Variants in TYW1B observed in about 807,000 individuals in gnomAD.
The protein encoded by TYW1B is S-adenosyl-L-methionine-dependent tRNA 4-demethylwyosine synthase TYW1B.
Under a neutral mutation model 86.9 loss-of-function variants are expected in TYW1B, and 73 were observed. The ratio of observed to expected loss-of-function variants is 0.84; its 90% CI spans 0.70 to 1.02. The LOEUF is 1.02. TYW1B is among the 50% of genes least tolerant of loss of function. The probability of loss-of-function intolerance (pLI) is 0.00; values close to 1 mark genes in which losing one functional copy is unlikely to be tolerated. For synonymous variants in TYW1B, 248 were observed against 292.8 expected (o/e 0.85, Z 1.56); for missense variants, 637 against 827.4 (o/e 0.77, Z 2.82).
intron 7 of TYW1B, among the ~76,000 whole-genome samples, chr7:72,756,840 C>T (rs1034534360): frequency 6.6e-6 from 1 of 152,088 alleles, no homozygotes; most frequent in African/African-American, 2.4e-5. Context: ...TTTGAAGAGA[C>T]GTTTCTCTAA....
At chr7:72,662,405 T>C (rs1443128020) in intron 11 of TYW1B, among the ~76,000 whole-genome samples, 6 of 149,604 alleles carry the variant, frequency 4.0e-5, no homozygotes, top group African/African-American at 1.2e-4. Flanking sequence ...GATATATCCC[T>C]TCAGGTTTTT....
chr7:72,813,171 CTTTTTTTTTTT>C (rs782128548), intron 3 of TYW1B, among the ~76,000 whole-genome samples: 5 of 123,770 alleles, frequency 4.0e-5, no homozygotes, highest in Non-Finnish European at 8.5e-5. Flanking sequence ...CATACTTCTT[CTTTTTTTTTTT>C]TTTTTTTTTT....
At chr7:72,634,017 T>C (rs773885139) in intron 11 of TYW1B, among the ~76,000 whole-genome samples, 3 of 152,172 alleles carry the variant, frequency 2.0e-5, no homozygotes, top group Non-Finnish European at 4.4e-5. Flanking sequence ...AGTGGCCCAG[T>C]AGAGTGCATG....
intron 10 of TYW1B, among the ~76,000 whole-genome samples, chr7:72,704,100 A>AT (rs1319811234): frequency 2.0e-5 from 3 of 151,942 alleles, no homozygotes; most frequent in Admixed American, 2.0e-4. Flanking sequence ...TTGTTATATG[A>AT]TTTTATGTTT....
rs1306393527 is a variant in TYW1B, at chr7:72,811,748, C to T, written c.238-1083G>A. ...GCAACAGAGTGAAACCCCGTCTCTA[C>T]TAAAAATACAAAAACTAGGCAGGCG... On this transcript the variant is annotated intron_variant, in intron 3 of 13. Coordinates refer to ENST00000620995, the MANE Select transcript of TYW1B (RefSeq NM_001145440.3). Among the ~76,000 whole-genome samples the T allele has an allele frequency of 8.6e-5, 13 of 151,502 alleles. No homozygotes were observed. The Admixed American group carries it at 8.6e-4, about 10-fold the overall frequency.
chr7:72,800,200 CTTT>C (rs202041917), intron 6 of TYW1B, among the ~76,000 whole-genome samples: 5 of 142,660 alleles, frequency 3.5e-5, no homozygotes, highest in Admixed American at 7.1e-5. Flanking sequence ...TGTTTCACAT[CTTT>C]TTTTTTTTTT....
At position 72,821,082 on chromosome 7, in the gene TYW1B, C is replaced by A. The variant is rs373654074; in HGVS notation, c.136-5601G>T. ...CTGCCTCCCGGGTTCAAGTGATTCT[C>A]GTGCCTTAGCCTCCCATGTAGCTGG... On this transcript the variant is annotated intron_variant, in intron 2 of 13. Transcript: ENST00000620995. Among the ~76,000 whole-genome samples the A allele has an allele frequency of 3.0e-4, 46 of 152,316 alleles. 1 individual carries two copies. In the South Asian group the frequency reaches 9.3e-3, roughly 31 times the overall value.
chr7:72,794,354 A>G (rs1449788565), intron 6 of TYW1B, among the ~76,000 whole-genome samples: 4 of 152,072 alleles, frequency 2.6e-5, no homozygotes, highest in Admixed American at 1.3e-4. Context: ...TAAGGAGTTC[A>G]AGACCAGCCT....
chr7:72,696,947 A>G (rs1375307053), intron 10 of TYW1B, among the ~76,000 whole-genome samples: 5 of 152,032 alleles, frequency 3.3e-5, no homozygotes, highest in South Asian at 2.1e-4. Flanking sequence ...AGCATCAGTA[A>G]TAACAGCATT....
chr7:72,621,299 AT>A (rs1171763160), intron 12 of TYW1B, among the ~76,000 whole-genome samples: 83 of 151,794 alleles, frequency 5.5e-4, no homozygotes, highest in East Asian at 9.7e-4. Context: ...TTCATAAATG[AT>A]TTTTTTTTCC....
In TYW1B at chr7:72,817,641, C is replaced by T. The variant is rs116624747; in HGVS notation, c.136-2160G>A. Among the ~76,000 whole-genome samples, 340 of 151,766 alleles carry T rather than the reference C, an allele frequency of 2.2e-3. 2 individuals carry two copies. Among genetic ancestry groups the T allele is most frequent in the African/African-American group, 7.6e-3 (316 of 41,378 alleles). ...TTGTCCAGGTTCTTCACATGTTGAA[C>T]AAAGAATTGAAAAAAATGCACAAGT... On this transcript the variant is annotated intron_variant, in intron 2 of 13. Transcript: ENST00000620995.
intron 11 of TYW1B, among the ~76,000 whole-genome samples, chr7:72,686,573 A>C (rs1814011783): frequency 3.9e-5 from 6 of 152,168 alleles, no homozygotes; most frequent in Admixed American, 3.3e-4. Flanking sequence ...AAACAGGCAG[A>C]GTACAGGAGA....
At chr7:72,769,099 C>A in intron 7 of TYW1B, 1 of 384,566 alleles carries the variant, frequency 2.6e-6, no homozygotes. Flanking sequence ...GATGGGCATG[C>A]AGCAGTTTGG....
intron 7 of TYW1B, among the ~76,000 whole-genome samples, chr7:72,773,594 G>T (rs1787902899): frequency 6.6e-6 from 1 of 152,154 alleles, no homozygotes; most frequent in South Asian, 2.1e-4. Context: ...CTAGAGAGAT[G>T]AAACCTACAA....
At chr7:72,782,841 C>T (rs782388176) in intron 6 of TYW1B, among the ~76,000 whole-genome samples, 17 of 152,066 alleles carry the variant, frequency 1.1e-4, no homozygotes, top group Non-Finnish European at 1.9e-4. Flanking sequence ...GGTGCCACTG[C>T]ACTCCAGCCT....
chr7:72,635,999 T>C (rs553126226), intron 11 of TYW1B, among the ~76,000 whole-genome samples: 78 of 152,342 alleles, frequency 5.1e-4, no homozygotes, highest in Non-Finnish European at 1.0e-3. Flanking sequence ...TGGTCACATG[T>C]AGCTAGTGGC....
rs1337644141 is a variant in TYW1B at position 72,815,416 on chromosome 7, T to C, written c.201A>G (p.Leu67=). ...SLDLPVAIIN[L]KEYDPDDHLI... ...GATGATCATCTGGATCATATTCTTT[T>C]AGATTAATAATGGCCACAGGCAGAT... The change falls in exon 3 of 14, where the codon CTA becomes CTG. Residue 67 remains leucine (L), a synonymous_variant. Transcript: ENST00000620995. The C allele has an allele frequency of 1.9e-6, 3 of 1,609,878 alleles. No individual in the cohort carries two copies. Among genetic ancestry groups the C allele is most frequent in the African/African-American group, 1.3e-5 (1 of 74,770 alleles).
At chr7:72,693,407 A>ATG (rs1491308957) in intron 11 of TYW1B, among the ~76,000 whole-genome samples, 2 of 117,056 alleles carry the variant, frequency 1.7e-5, no homozygotes, top group African/African-American at 3.1e-5. Flanking sequence ...ATTTGCAGAC[A>ATG]TCTTTTTTTT....
intron 12 of TYW1B, among the ~76,000 whole-genome samples, chr7:72,625,284 T>C (rs1206821563): frequency 1.3e-5 from 2 of 151,906 alleles, no homozygotes; most frequent in Non-Finnish European, 2.9e-5. Flanking sequence ...AAGGACAAAA[T>C]AGTAAAATGG....
Sources: gnomAD v4.1 joint callset for allele counts (sites outside exome capture counted in the v4.1 genomes callset) on GRCh38, gnomAD v4.1.1 for gene constraint, MANE v1.5 for transcripts, NCBI Gene and HGNC (gene_info 2026-07-23, HGNC 2026-07-21) for gene names.